The following KIF5B variants were observed in gnomAD, a reference collection of about 807,000 sequenced individuals.
KIF5B encodes kinesin-1 heavy chain.
KIF5B carries 49 observed loss-of-function variants against 132.8 expected under a neutral mutation model. That is an observed-to-expected ratio of 0.37 (90% confidence interval 0.29 to 0.47). The LOEUF (loss-of-function observed/expected upper bound fraction) is 0.47. Among genes scored for constraint, KIF5B ranks in the 20% least tolerant of loss-of-function variants. The probability of loss-of-function intolerance (pLI) is 1.00; values close to 1 mark genes in which losing one functional copy is unlikely to be tolerated. For missense variants in KIF5B, 780 were observed against 1,144.0 expected (o/e 0.68, Z 4.59); for synonymous variants, 355 against 369.4 (o/e 0.96, Z 0.45).
intron 19 of KIF5B, 128 bp downstream of exon 19, chr10:32,020,894 G>T: frequency 1.7e-6 from 1 of 576,914 alleles, no homozygotes. Flanking sequence ...ACTCATAAAT[G>T]AGAAAATTCT....
At chr10:32,046,076 A>G (rs1439864011) in intron 2 of KIF5B, among the ~76,000 whole-genome samples, 1 of 152,160 alleles carries the variant, frequency 6.6e-6, no homozygotes, top group African/African-American at 2.4e-5. Context: ...TAAAACTCAA[A>G]ATATGATTAA....
chr10:32,047,450 A>T (rs1841627037), intron 2 of KIF5B, among the ~76,000 whole-genome samples: 1 of 152,146 alleles, frequency 6.6e-6, no homozygotes, highest in South Asian at 2.1e-4. Context: ...CAACTCTTTC[A>T]GCAGCTAACC....
At position 32,055,829 on chromosome 10, in the gene KIF5B, G is replaced by A; in HGVS notation, c.126+19C>T. The A allele has an allele frequency of 6.2e-7, 1 of 1,609,536 alleles. No individual in the cohort carries two copies. Among genetic ancestry groups the A allele is most frequent in the Non-Finnish European group, 8.5e-7 (1 of 1,178,612 alleles). On this transcript the variant is annotated intron_variant, in intron 1 of 25. Coordinates refer to ENST00000302418, the MANE Select transcript of KIF5B (RefSeq NM_004521.3). ...GGCCCGAAGAAGCGGGAGGAGGGAT[G>A]CCGGCGGGGGTCACTCACCGCGATC...
intron 22 of KIF5B, 42 bp from the exon 23 acceptor site, chr10:32,018,198 C>A (rs924469863): frequency 6.8e-6 from 10 of 1,480,176 alleles, no homozygotes; most frequent in East Asian, 4.6e-5. Flanking sequence ...TTAAAAAAAA[C>A]TAAGCTTAAC....
At chr10:32,025,064 G>A (rs866597922) in intron 15 of KIF5B, among the ~76,000 whole-genome samples, 4 of 152,192 alleles carry the variant, frequency 2.6e-5, no homozygotes, top group African/African-American at 7.2e-5. Flanking sequence ...GTGACAGAGC[G>A]AGACTCCGTC....
chr10:32,036,942 G>C (rs569525875), intron 8 of KIF5B, among the ~76,000 whole-genome samples: 1 of 152,098 alleles, frequency 6.6e-6, no homozygotes, highest in African/African-American at 2.4e-5. Context: ...GATAAAATAC[G>C]TATCAAAAAT....
intron 19 of KIF5B, 33 bp from the exon 20 acceptor site, chr10:32,019,992 C>T (rs1159914469): frequency 7.4e-7 from 1 of 1,347,638 alleles, no homozygotes; most frequent in Non-Finnish European, 1.0e-6. Flanking sequence ...AACACAGTAT[C>T]AATATCACAG....
intron 15 of KIF5B, among the ~76,000 whole-genome samples, chr10:32,024,157 T>C (rs1387170355): frequency 2.4e-5 from 3 of 123,542 alleles, no homozygotes; most frequent in Non-Finnish European, 5.2e-5. Flanking sequence ...TTTTTTTTTT[T>C]TTTTTTTTTT....
At position 32,009,713 on chromosome 10, in the gene KIF5B, C is replaced by G. The variant is rs1841046703; in HGVS notation, c.*1824G>C. 6.6e-6 allele frequency: 1 copy of G among 152,120 alleles called. No homozygotes were observed. Among genetic ancestry groups the G allele is most frequent in the Non-Finnish European group, 1.5e-5 (1 of 68,024 alleles). The allele number at this position is 152,120 out of a possible 1,614,324, so 9.4% of individuals were successfully genotyped here. A position where few individuals can be genotyped will look rare whatever the true frequency, so the allele number is the denominator to read the frequency against. On this transcript the variant is annotated 3_prime_UTR_variant, in exon 26 of 26. Transcript: ENST00000302418. ...GTTGCCAAAGGAGGCAAGTTTTCAA[C>G]TGAAAACAAAACATAAAGGTCTATG...
rs747074223 is a variant in KIF5B, at chr10:32,017,180, T to G, written c.2724A>C (p.Ser908=). The G allele has an allele frequency of 1.2e-6, 2 of 1,614,118 alleles. No individual in the cohort carries two copies. Among genetic ancestry groups the G allele is most frequent in the East Asian group, 2.2e-5 (1 of 44,900 alleles). ...AATGCCCTCTTCTGGCCATATTCTT[T>G]GACCTGACTGCTTCCTTTATGCGAT... ...EVDRIKEAVR[S]KNMARRGHSA... is the part of the protein sequence containing the mutation. The change falls in exon 24 of 26, where the codon TCA becomes TCC. Residue 908 remains serine (S), a synonymous_variant. Transcript: ENST00000302418.
chr10:32,041,675 A>G (rs879477102), intron 2 of KIF5B, among the ~76,000 whole-genome samples: 6 of 152,238 alleles, frequency 3.9e-5, no homozygotes, highest in Non-Finnish European at 7.3e-5. Flanking sequence ...TCAGAGTGCA[A>G]TGGCACAATC....
chr10:32,015,666 T>C lies in KIF5B; in HGVS notation c.2762-7A>G, dbSNP rs374849264. 3 of 1,602,468 alleles carry C rather than the reference T, an allele frequency of 1.9e-6. No homozygotes were observed. Among genetic ancestry groups the C allele is most frequent in the Non-Finnish European group, 8.5e-7 (1 of 1,174,840 alleles). On this transcript the variant is annotated splice_polypyrimidine_tract_variant and splice_region_variant and intron_variant, in intron 24 of 25. Transcript: ENST00000302418. ...CCGGGACGAATAGGTTTAGCTAATATGAAAAATAAAGACAGACTTTAGAAT... is the reference window on the plus strand; with the variant it reads ...CCGGGACGAATAGGTTTAGCTAATACGAAAAATAAAGACAGACTTTAGAAT...
At chr10:32,040,252 A>C (rs1361309577) in intron 3 of KIF5B, 132 bp downstream of exon 3, 10 of 681,172 alleles carry the variant, frequency 1.5e-5, no homozygotes, top group Non-Finnish European at 2.4e-5. Context: ...ATGATGTTAC[A>C]TGTATATTAT....
chr10:32,018,734 T>C (rs111679921), intron 20 of KIF5B, among the ~76,000 whole-genome samples, 172 bp from the exon 21 acceptor site: 8,958 of 152,224 alleles, frequency 0.059, 358 homozygotes, highest in Non-Finnish European at 0.082. Context: ...AAAAAAATTT[T>C]TTTTTTTTTG....
intron 16 of KIF5B, 105 bp downstream of exon 16, chr10:32,022,743 C>T: frequency 3.9e-6 from 3 of 774,366 alleles, no homozygotes; most frequent in Non-Finnish European, 6.1e-6. Context: ...AAAAAAACAA[C>T]TAAATTTCAC....
Position 32,034,583 on chromosome 10 carries a change from A to G in KIF5B, c.1111+107T>C, listed in dbSNP as rs1240721190. Reference sequence around the variant, plus strand: ...TTTAAAAATTATTTCGATGTCTATTAAATTTCTTGATCTAGTCACTTACTG... The same window carrying G: ...TTTAAAAATTATTTCGATGTCTATTGAATTTCTTGATCTAGTCACTTACTG... On this transcript the variant is annotated intron_variant, in intron 11 of 25. Coordinates refer to ENST00000302418, the MANE Select transcript of KIF5B (RefSeq NM_004521.3). The G allele has an allele frequency of 3.9e-6, 3 of 769,506 alleles. No homozygotes were observed. In the East Asian group the frequency reaches 9.1e-5, roughly 23 times the overall value. 47.7% of individuals were successfully genotyped at this position (769,506 alleles called of 1,614,324 possible).
chr10:32,055,986 CG>C lies in KIF5B; in HGVS notation c.-14del. 1 of 1,599,774 alleles carries C rather than the reference CG, an allele frequency of 6.3e-7. No homozygotes were observed. On this transcript the variant is annotated 5_prime_UTR_variant, in exon 1 of 26. Transcript: ENST00000302418. ...CCAGGTCCGCCATCTTTCTCGCAGC[CG>C]GGGCCGGCGGCCGGGAGCCACTCCC...
At chr10:32,023,082 ATG>A (rs780770883) in intron 15 of KIF5B, 46 bp from the exon 16 acceptor site, 10 of 1,169,076 alleles carry the variant, frequency 8.6e-6, no homozygotes, top group African/African-American at 1.5e-5. Flanking sequence ...AAAATGTTCA[ATG>A]TGTGTTTTCC....
chr10:32,021,480 T>C (rs936472135), intron 17 of KIF5B, among the ~76,000 whole-genome samples, 193 bp from the exon 18 acceptor site: 1 of 151,494 alleles, frequency 6.6e-6, no homozygotes, highest in Non-Finnish European at 1.5e-5. Flanking sequence ...GTGTTGGTAT[T>C]ATGTATTCCT....
Sources: allele counts gnomAD v4.1 joint callset (sites outside exome capture counted in the v4.1 genomes callset), GRCh38; gene constraint gnomAD v4.1.1; transcripts MANE v1.5; gene names NCBI Gene and HGNC (gene_info 2026-07-23, HGNC 2026-07-21).